The following MUC12 variants were observed in gnomAD, a reference collection of about 807,000 sequenced individuals.
The protein encoded by MUC12 is mucin 12, cell surface associated.
A neutral mutation model predicts 230.8 loss-of-function variants in MUC12; 172 were observed. The observed-to-expected ratio is 0.75, with a 90% CI of 0.66 to 0.85. MUC12 has a LOEUF of 0.85. MUC12 is among the 40% of genes least tolerant of loss of function. The pLI is 0.00. For synonymous variants in MUC12, 1,259 were observed against 2,401.9 expected (o/e 0.52, Z 13.91); for missense variants, 3,506 against 5,920.6 (o/e 0.59, Z 13.38).
chr7:101,012,257 G>A lies in MUC12; in HGVS notation c.15252-39G>A, dbSNP rs10279469. ...CTTGGGCTCCACTTGCTGGCTGGGT[G>A]GTGACATGGGTAACTGATGAAACGA... On this transcript the variant is annotated intron_variant, in intron 5 of 11. Coordinates refer to ENST00000536621, the MANE Select transcript of MUC12 (RefSeq NM_001164462.2). 1.2e-3 allele frequency: 1,799 copies of A among 1,532,832 alleles called. 17 individuals are homozygous for A. In the African/African-American group the frequency reaches 0.02, roughly 17 times the overall value. 95.0% of individuals were successfully genotyped at this position (1,532,832 alleles called of 1,614,324 possible).
Position 101,012,811 on chromosome 7 carries a change from C to T in MUC12, c.15404-8C>T. On this transcript the variant is annotated splice_polypyrimidine_tract_variant and splice_region_variant and intron_variant, in intron 6 of 11. Coordinates refer to ENST00000536621, the MANE Select transcript of MUC12 (RefSeq NM_001164462.2). ...TATTCCATCTTCCTTCCCATCCACT[C>T]TCGGCAGAGGCCATACTGTGCTATA... The T allele has an allele frequency of 6.5e-7, 1 of 1,537,194 alleles. No homozygotes were observed. The highest frequency in any genetic ancestry group is 8.7e-7 in the Non-Finnish European group (1 of 1,146,856).
At chr7:100,990,312 G>A (rs576423111) in intron 1 of MUC12, among the ~76,000 whole-genome samples, 46 of 152,306 alleles carry the variant, frequency 3.0e-4, no homozygotes, top group Non-Finnish European at 5.7e-4. Context: ...AGAATCTAAC[G>A]GTAAATGTAA....
Position 100,991,249 on chromosome 7 carries a change from G to C in MUC12, c.686G>C (p.Gly229Ala), listed in dbSNP as rs1194267622. Residue 229 changes from glycine to alanine, a missense_variant, in exon 2 of 12, where the codon GGC becomes GCC. Physicochemically the swap from Gly to Ala is moderately conservative, Grantham distance 60. Transcript: ENST00000536621. ...PESTTFHSSP[G>A]YTKTTRLPDN... ...TCTACTACCTTCCACAGCAGCCCAGGCTACACTAAAACAACACGCTTACCT... is the reference window on the plus strand; with the variant it reads ...TCTACTACCTTCCACAGCAGCCCAGCCTACACTAAAACAACACGCTTACCT... 1 of 1,537,230 alleles carries C rather than the reference G, an allele frequency of 6.5e-7. No homozygotes were observed. Among genetic ancestry groups the C allele is most frequent in the Non-Finnish European group, 8.7e-7 (1 of 1,146,926 alleles).
At chr7:100,974,113 C>T (rs184424494) in intron 1 of MUC12, among the ~76,000 whole-genome samples, 4 of 152,234 alleles carry the variant, frequency 2.6e-5, no homozygotes, top group Admixed American at 6.5e-5. Flanking sequence ...TGCACCATTA[C>T]GCTTCAGCCT....
At position 101,013,981 on chromosome 7, in the gene MUC12, T is replaced by G. The variant is rs1793878130; in HGVS notation, c.15707T>G (p.Val5236Gly). 1.3e-6 allele frequency: 2 copies of G among 1,536,318 alleles called. No homozygotes were observed. Among genetic ancestry groups the G allele is most frequent in the South Asian group, 1.2e-5 (1 of 83,840 alleles). The change falls in exon 9 of 12, where the codon GTG becomes GGG. Residue 5236 changes from valine to glycine, a missense_variant. Val to Gly is a moderately radical substitution (Grantham distance 109). Coordinates refer to ENST00000536621, the MANE Select transcript of MUC12 (RefSeq NM_001164462.2). Reference sequence around the variant, plus strand: ...GAATTCAACATCGCCAAGAGCCTCGTGTATGGGATCGTGGGGGCTGTGATG... The same window carrying G: ...GAATTCAACATCGCCAAGAGCCTCGGGTATGGGATCGTGGGGGCTGTGATG... ...TCEFNIAKSL[V>G]YGIVGAVMAV...
intron 1 of MUC12, among the ~76,000 whole-genome samples, chr7:100,970,152 T>G (rs912636118): frequency 6.6e-6 from 1 of 152,300 alleles, no homozygotes; most frequent in Non-Finnish European, 1.5e-5. Flanking sequence ...TCTCTTGACT[T>G]GGAGTAGCCT....
At chr7:101,017,438 G>A (rs1793949391) in intron 10 of MUC12, 137 bp from the exon 11 acceptor site, 1 of 618,944 alleles carries the variant, frequency 1.6e-6, no homozygotes, top group Non-Finnish European at 2.8e-6. Context: ...ATGCAGGGTC[G>A]GAGGGGTGGT....
Position 100,991,072 on chromosome 7 carries a change from G to C in MUC12, c.509G>C (p.Ser170Thr). The C allele has an allele frequency of 2.0e-6, 3 of 1,537,506 alleles. No individual in the cohort carries two copies. Among genetic ancestry groups the C allele is most frequent in the Non-Finnish European group, 2.6e-6 (3 of 1,146,840 alleles). ...GVSEKSTTSH[S>T]RPGPTHTIAF... ...AGTGAAAAATCAACCACCTCCCACA[G>C]CCGACCAGGCCCAACGCACACAATA... Residue 170 changes from serine (S) to threonine (T), a missense_variant, in exon 2 of 12, where the codon AGC (serine) becomes ACC (threonine). Ser to Thr is a moderately conservative substitution (Grantham distance 58). Coordinates refer to ENST00000536621, the MANE Select transcript of MUC12 (RefSeq NM_001164462.2).
Position 100,979,599 on chromosome 7 carries a change from G to T in MUC12, c.67+9910G>T, listed in dbSNP as rs188066396. Among the ~76,000 whole-genome samples the T allele has an allele frequency of 3.0e-4, 46 of 152,142 alleles. No homozygotes were observed. In the East Asian group the frequency reaches 8.5e-3, roughly 28 times the overall value. ...GATCGAGACCATCCTGGCCAACATG[G>T]TGAAACCCCATCTCTACTAAAAATA... On this transcript the variant is annotated intron_variant, in intron 1 of 11. Transcript: ENST00000536621.
intron 3 of MUC12, 118 bp from the exon 4 acceptor site, chr7:101,008,516 C>G: frequency 7.3e-7 from 1 of 1,361,032 alleles, no homozygotes; most frequent in South Asian, 1.5e-5. Context: ...AACAGTGACC[C>G]CACCTTCCTC....
At position 101,018,635 on chromosome 7, in the gene MUC12, G is replaced by A; in HGVS notation, c.16007G>A (p.Ter5336=). The change falls in exon 12 of 12, where the codon TGA becomes TAA. Residue 5336 remains the stop codon, a stop_retained_variant. Coordinates refer to ENST00000536621, the MANE Select transcript of MUC12 (RefSeq NM_001164462.2). ...CCGGAGATGGTAGCATCCACTGTGT[G>A]AGCCAACGGGGGCCTCCCACCCTCA... ...QRPEMVASTV[*] 1 of 1,535,758 alleles carries A rather than the reference G, an allele frequency of 6.5e-7. No homozygotes were observed. The highest frequency in any genetic ancestry group is 8.7e-7 in the Non-Finnish European group (1 of 1,146,108).
chr7:101,009,020 G>A, intron 4 of MUC12, 75 bp from the exon 5 acceptor site: 1 of 1,488,218 alleles, frequency 6.7e-7, no homozygotes, highest in Non-Finnish European at 9.1e-7. Context: ...GGTGCCTAGG[G>A]CTGCCTCAAG....
Position 101,015,732 on chromosome 7 carries a change from G to A in MUC12, c.15877+41G>A, listed in dbSNP as rs531443291. On this transcript the variant is annotated intron_variant, in intron 10 of 11. Coordinates refer to ENST00000536621, the MANE Select transcript of MUC12 (RefSeq NM_001164462.2). ...GGCAAGGAGATGAGCAGAGCTGGAG[G>A]GTGAAGAAAGGCAGGGCGGTGCCTG... 67 of 1,509,270 alleles carry A rather than the reference G, an allele frequency of 4.4e-5. No individual in the cohort carries two copies. In the African/African-American group the frequency reaches 7.9e-4, roughly 18 times the overall value. The allele number at this position is 1,509,270 out of a possible 1,614,324, so 93.5% of individuals were successfully genotyped here. A position where few individuals can be genotyped will look rare whatever the true frequency, so the allele number is the denominator to read the frequency against.
chr7:101,018,567 GCCT>G (rs1793995786), intron 11 of MUC12, 25 bp from the exon 12 acceptor site: 4 of 1,535,244 alleles, frequency 2.6e-6, no homozygotes, highest in Non-Finnish European at 3.5e-6. Flanking sequence ...CTGCCCCTTG[GCCT>G]CACCTCTTCT....
rs748170265 is a variant in MUC12 at position 101,012,889 on chromosome 7, G to A, written c.15474G>A (p.Gln5158=). ...CGGTGACTCCGGGCTTTGACTTCCA[G>A]GGTAAGCGACTACGTGGAGCGTGGG... ...DSSVTPGFDF[Q]EQCTQKAAEG... The change falls in exon 7 of 12, where the codon CAG becomes CAA. Residue 5158 remains glutamine, a splice_region_variant and synonymous_variant. Coordinates refer to ENST00000536621, the MANE Select transcript of MUC12 (RefSeq NM_001164462.2). 3.3e-6 allele frequency: 5 copies of A among 1,537,254 alleles called. No homozygotes were observed. In the South Asian group the frequency reaches 5.9e-5, roughly 18 times the overall value.
chr7:101,004,270 C>A lies in MUC12; in HGVS notation c.13707C>A (p.Gly4569=). The change falls in exon 2 of 12, where the codon GGC becomes GGA. Residue 4569 remains glycine (G), a synonymous_variant. Transcript: ENST00000536621. ...TTTCTGCCAGCTCCACAACCTTGGG[C>A]CGTAGTGAGGAATCGACAACAGTCC... ...THFSASSTTL[G]RSEESTTVHS... 2.9e-6 allele frequency: 2 copies of A among 693,806 alleles called. No homozygotes were observed. Among genetic ancestry groups the A allele is most frequent in the Non-Finnish European group, 2.0e-6 (1 of 489,168 alleles). The allele number at this position is 693,806 out of a possible 1,614,324, so 43.0% of individuals were successfully genotyped here. A position where few individuals can be genotyped will look rare whatever the true frequency, so the allele number is the denominator to read the frequency against.
chr7:101,012,007 A>G (rs1019674161), intron 5 of MUC12, among the ~76,000 whole-genome samples: 7 of 152,216 alleles, frequency 4.6e-5, no homozygotes, highest in African/African-American at 1.7e-4. Flanking sequence ...TCGCATCAAC[A>G]GGACACAGGG....
intron 5 of MUC12, among the ~76,000 whole-genome samples, chr7:101,011,183 G>A (rs1003974968): frequency 3.9e-5 from 6 of 152,158 alleles, no homozygotes; most frequent in Non-Finnish European, 7.3e-5. Context: ...CAAGGGTGCC[G>A]TGTCCTTGCA....
intron 5 of MUC12, among the ~76,000 whole-genome samples, chr7:101,011,584 G>C (rs1223953044): frequency 6.6e-6 from 1 of 152,008 alleles, no homozygotes; most frequent in Non-Finnish European, 1.5e-5. Flanking sequence ...AACTTGGCTG[G>C]CTAATTTTTG....
Sources: allele counts gnomAD v4.1 joint callset (sites outside exome capture counted in the v4.1 genomes callset), GRCh38; gene constraint gnomAD v4.1.1; transcripts MANE v1.5; gene names NCBI Gene and HGNC (gene_info 2026-07-23, HGNC 2026-07-21).